Variants in LLGL2 observed in about 807,000 individuals in gnomAD.
LLGL2 encodes the protein LLGL2, scribble cell polarity complex component.
Under a neutral mutation model 123.2 loss-of-function variants are expected in LLGL2, and 81 were observed. The ratio of observed to expected loss-of-function variants is 0.66; its 90% CI spans 0.55 to 0.79. The LOEUF (loss-of-function observed/expected upper bound fraction) is 0.79. Among genes scored for constraint, LLGL2 ranks in the 30% least tolerant of loss-of-function variants. The probability of loss-of-function intolerance (pLI) is 0.00; values close to 1 mark genes in which losing one functional copy is unlikely to be tolerated. For missense variants in LLGL2, 1,273 were observed against 1,414.6 expected, an observed-to-expected ratio of 0.90 and a Z score of 1.61; for synonymous variants, 577 against 594.1, an observed-to-expected ratio of 0.97 and a Z score of 0.42.
intron 1 of LLGL2, among the ~76,000 whole-genome samples, chr17:75,528,407 GC>G: frequency 6.6e-6 from 1 of 152,034 alleles, no homozygotes. Flanking sequence ...AAGCCACCGC[GC>G]CCGGCCTTAA....
Position 75,559,510 on chromosome 17 carries a change from C to T in LLGL2, c.530+100C>T. On this transcript the variant is annotated intron_variant, in intron 6 of 25. Transcript: ENST00000392550. This position sits in a 1 kb window ranked among gnomAD's most constrained non-coding sequence, Gnocchi z 4.6. ...TCTGTCAGGAGCTGTCATTTCTCTGCTGGGAATTCCATGGGGCTATAGCAG... is the reference window on the plus strand; with the variant it reads ...TCTGTCAGGAGCTGTCATTTCTCTGTTGGGAATTCCATGGGGCTATAGCAG... 7.0e-7 allele frequency: 1 copy of T among 1,425,054 alleles called. No homozygotes were observed. The highest frequency in any genetic ancestry group is 9.4e-7 in the Non-Finnish European group (1 of 1,065,548). The allele number at this position is 1,425,054 out of a possible 1,614,324, so 88.3% of individuals were successfully genotyped here.
At chr17:75,534,063 A>G (rs986917438) in intron 1 of LLGL2, among the ~76,000 whole-genome samples, 1 of 152,250 alleles carries the variant, frequency 6.6e-6, no homozygotes, top group African/African-American at 2.4e-5. Flanking sequence ...GATGGGCTGG[A>G]TGGCCTGCCC....
At position 75,558,227 on chromosome 17, in the gene LLGL2, G is replaced by T. The variant is rs369025981; in HGVS notation, c.246G>T (p.Leu82=). ...ENNAVTQIHL[L]PGQCQLVTLL... is the part of the protein sequence containing the mutation. Reference sequence around the variant, plus strand: ...ACGCTGTGACGCAGATCCACCTCCTGCCCGGCCAGGTGAGGGACCTGGGGT... The same window carrying T: ...ACGCTGTGACGCAGATCCACCTCCTTCCCGGCCAGGTGAGGGACCTGGGGT... Residue 82 remains leucine (L), a synonymous_variant, in exon 4 of 26, where the codon CTG becomes CTT. Transcript: ENST00000392550. The surrounding 1 kb of genome is among the most constrained non-coding windows in gnomAD (Gnocchi z 4.0). 1.5e-4 allele frequency: 238 copies of T among 1,612,244 alleles called. No homozygotes were observed. Among genetic ancestry groups the T allele is most frequent in the Admixed American group, 3.3e-4 (20 of 60,018 alleles).
intron 1 of LLGL2, among the ~76,000 whole-genome samples, chr17:75,530,960 A>G (rs1487108470): frequency 6.6e-6 from 1 of 152,106 alleles, no homozygotes; most frequent in African/African-American, 2.4e-5. Flanking sequence ...TGGGAGGGCC[A>G]AGAGTGAGAG....
At chr17:75,556,354 A>G (rs1422838816) in intron 3 of LLGL2, among the ~76,000 whole-genome samples, 1 of 152,146 alleles carries the variant, frequency 6.6e-6, no homozygotes, top group African/African-American at 2.4e-5. Context: ...CCCTGGTGGG[A>G]TGCGACCCTG....
rs2055816166 is a variant in LLGL2, at chr17:75,573,373, G to C, written c.2725+95G>C. On this transcript the variant is annotated intron_variant, in intron 20 of 25. Transcript: ENST00000392550. ...GTTGTGGCCACGGCCAGACTGGATG[G>C]GCCTTAAGCGGAGAACTGCGAGGGA... is the stretch of plus-strand genomic sequence containing the variant. 5 of 1,551,114 alleles carry C rather than the reference G, an allele frequency of 3.2e-6. 1 individual carries two copies.
intron 10 of LLGL2, chr17:75,568,069 G>T: frequency 9.3e-7 from 1 of 1,077,438 alleles, no homozygotes. Context: ...GCCACCCCTA[G>T]CAACTGGTGT....
rs777856235 is a variant in LLGL2, at chr17:75,573,487, A to T, written c.2732A>T (p.Tyr911Phe). The T allele has an allele frequency of 4.2e-5, 67 of 1,608,762 alleles. No individual in the cohort carries two copies. The highest frequency in any genetic ancestry group is 5.5e-5 in the Non-Finnish European group (65 of 1,176,600). ...CATTGCCCCCACTCCCCAGGCTTCT[A>T]CCTGATCTCACCCTCGGAGTTTGAG... Reference protein sequence around the residue: ...CVFTKYGQGFYLISPSEFERF... With the variant: ...CVFTKYGQGFFLISPSEFERF... Residue 911 changes from tyrosine (Y) to phenylalanine (F), a missense_variant, in exon 21 of 26, where the codon TAC (tyrosine) becomes TTC (phenylalanine). Coordinates refer to ENST00000392550, the MANE Select transcript of LLGL2 (RefSeq NM_001031803.2).
intron 10 of LLGL2, among the ~76,000 whole-genome samples, chr17:75,567,583 G>T (rs2055498663): frequency 6.6e-6 from 1 of 151,850 alleles, no homozygotes; most frequent in Admixed American, 6.6e-5. Flanking sequence ...AGGTTGCAGT[G>T]AGCTGAGATC....
Position 75,544,885 on chromosome 17 carries a change from T to A in LLGL2, c.75+1384T>A, listed in dbSNP as rs913853409. Among the ~76,000 whole-genome samples the A allele has an allele frequency of 6.6e-6, 1 of 152,108 alleles. No homozygotes were observed. The highest frequency in any genetic ancestry group is 2.4e-5 in the African/African-American group (1 of 41,400). ...CCAACGTGCCTCCTGCCAGCTCGCTTTTGGGCCTTGGGATATGGGGGTGCA... is the reference window on the plus strand; with the variant it reads ...CCAACGTGCCTCCTGCCAGCTCGCTATTGGGCCTTGGGATATGGGGGTGCA... On this transcript the variant is annotated intron_variant, in intron 2 of 25. Coordinates refer to ENST00000392550, the MANE Select transcript of LLGL2 (RefSeq NM_001031803.2). The surrounding 1 kb of genome is among the most constrained non-coding windows in gnomAD (Gnocchi z 4.2).
At chr17:75,562,035 A>G (rs1327529832) in intron 6 of LLGL2, among the ~76,000 whole-genome samples, 1 of 152,180 alleles carries the variant, frequency 6.6e-6, no homozygotes, top group Non-Finnish European at 1.5e-5. Flanking sequence ...GATATAGATA[A>G]TGTGGAGAGC....
chr17:75,527,167 C>CAAAA (rs200100321), intron 1 of LLGL2, among the ~76,000 whole-genome samples: 18 of 129,766 alleles, frequency 1.4e-4, no homozygotes, highest in South Asian at 1.0e-3. Context: ...GACCCTGTCT[C>CAAAA]AAAAAAAAAA....
intron 1 of LLGL2, among the ~76,000 whole-genome samples, chr17:75,542,357 G>A (rs113599872): frequency 0.017 from 2,646 of 152,100 alleles, 72 homozygotes; most frequent in African/African-American, 0.06. Flanking sequence ...CCTGGAGCAC[G>A]CGCCTCCAGG....
chr17:75,542,852 G>A (rs2054268658), intron 1 of LLGL2: 2 of 152,496 alleles, frequency 1.3e-5, no homozygotes, highest in Non-Finnish European at 2.9e-5. Context: ...GAGAGGCTGA[G>A]GCCGAGAGTC....
At position 75,568,639 on chromosome 17, in the gene LLGL2, G is replaced by A. The variant is rs1162981330; in HGVS notation, c.1200G>A (p.Leu400=). 6.2e-7 allele frequency: 1 copy of A among 1,613,850 alleles called. No individual in the cohort carries two copies. The highest frequency in any genetic ancestry group is 8.5e-7 in the Non-Finnish European group (1 of 1,180,022). The change falls in exon 11 of 26, where the codon CTG becomes CTA. Residue 400 remains leucine (L), a synonymous_variant. Coordinates refer to ENST00000392550, the MANE Select transcript of LLGL2 (RefSeq NM_001031803.2). ...SHHVSNIPLK[L]WERIIAAGSR... is the part of the protein sequence containing the mutation. ...ACGTCTCCAACATCCCGCTGAAGCTGTGGGAGCGGATCATTGCCGCCGGCA... is the reference window on the plus strand; with the variant it reads ...ACGTCTCCAACATCCCGCTGAAGCTATGGGAGCGGATCATTGCCGCCGGCA...
At position 75,568,493 on chromosome 17, in the gene LLGL2, G is replaced by A. The variant is rs1478114682; in HGVS notation, c.1054G>A (p.Ala352Thr). The A allele has an allele frequency of 6.2e-7, 1 of 1,612,624 alleles. No individual in the cohort carries two copies. Among genetic ancestry groups the A allele is most frequent in the African/African-American group, 1.3e-5 (1 of 74,808 alleles). ...TACCCCAGCCTTTGACGACCCCTAT[G>A]CCCTGGTGGTGCTGGCTGAGGAGGA... The part of the protein sequence containing the change: ...DPAATFDDPY[A>T]LVVLAEEELV... Residue 352 changes from alanine to threonine, a missense_variant, in exon 11 of 26, where the codon GCC (alanine) becomes ACC (threonine). Physicochemically the swap from Ala to Thr is moderately conservative, Grantham distance 58. Transcript: ENST00000392550.
At chr17:75,573,414 C>A in intron 20 of LLGL2, 67 bp from the exon 21 acceptor site, 2 of 1,575,524 alleles carry the variant, frequency 1.3e-6, no homozygotes, top group Non-Finnish European at 1.7e-6. Flanking sequence ...AGCCCCTACT[C>A]CCCCAGGTGG....
At chr17:75,531,614 T>G (rs2053789384) in intron 1 of LLGL2, among the ~76,000 whole-genome samples, 1 of 152,206 alleles carries the variant, frequency 6.6e-6, no homozygotes, top group Non-Finnish European at 1.5e-5. Context: ...TTTTCCTCTG[T>G]CAGGAGCAGT....
chr17:75,559,392 C>A lies in LLGL2; in HGVS notation c.512C>A (p.Ser171Ter). 6.2e-7 allele frequency: 1 copy of A among 1,610,430 alleles called. No homozygotes were observed. Among genetic ancestry groups the A allele is most frequent in the South Asian group, 1.1e-5 (1 of 90,736 alleles). The change falls in exon 6 of 26, where the codon TCG becomes TAG. Residue 171 changes from serine to a stop codon, truncating the protein, a stop_gained. Transcript: ENST00000392550. LOFTEE classifies it high-confidence loss of function. The surrounding 1 kb of genome is among the most constrained non-coding windows in gnomAD (Gnocchi z 4.6). Reference protein sequence around the residue: ...FRALEDRTISSDAVLQRLPEE... With the variant: ...FRALEDRTIS Reference sequence around the variant, plus strand: ...GCGCTGGAGGACCGGACCATCAGCTCGGACGCGGTGCTGCAGCGGTGAGCC... The same window carrying A: ...GCGCTGGAGGACCGGACCATCAGCTAGGACGCGGTGCTGCAGCGGTGAGCC...
Sources: gnomAD v4.1 joint callset for allele counts (sites outside exome capture counted in the v4.1 genomes callset) on GRCh38, gnomAD v4.1.1 for gene constraint, Gnocchi (gnomAD v3.1) non-coding constraint, MANE v1.5 for transcripts, NCBI Gene and HGNC (gene_info 2026-07-23, HGNC 2026-07-21) for gene names.